The following TMEM170B variants were observed in gnomAD, a reference collection of about 807,000 sequenced individuals.
TMEM170B encodes transmembrane protein 170B.
Under a neutral mutation model 13.0 loss-of-function variants are expected in TMEM170B, and 6 were observed. The observed-to-expected ratio is 0.46, with a 90% CI of 0.25 to 0.91. TMEM170B has a LOEUF of 0.91. TMEM170B is among the 40% of genes least tolerant of loss of function. The pLI is 0.17. For missense variants in TMEM170B, 138 were observed against 165.2 expected, an observed-to-expected ratio of 0.84 and a Z score of 0.90; for synonymous variants, 61 against 64.9, an observed-to-expected ratio of 0.94 and a Z score of 0.29.
chr6:11,563,422 G>A (rs1454607016), intron 1 of TMEM170B, among the ~76,000 whole-genome samples: 1 of 152,108 alleles, frequency 6.6e-6, no homozygotes, highest in African/African-American at 2.4e-5. Context: ...GATACCAACT[G>A]GGTGTCCTAC....
rs1759895044 is a variant in TMEM170B, at chr6:11,577,468, C to G, written c.*1907C>G. The stretch of plus-strand genomic sequence containing the variant: ...AGACTTGAATTGTGTTCTTCTTTTA[C>G]TTTGGCTATTCTGTCAATAATTTAA... On this transcript the variant is annotated 3_prime_UTR_variant, in exon 3 of 3. Transcript: ENST00000379426. 6.6e-6 allele frequency: 1 copy of G among 152,002 alleles called. No homozygotes were observed. The highest frequency in any genetic ancestry group is 6.6e-5 in the Admixed American group (1 of 15,260). 9.4% of individuals were successfully genotyped at this position (152,002 alleles called of 1,614,324 possible).
intron 1 of TMEM170B, among the ~76,000 whole-genome samples, chr6:11,540,341 T>C (rs1208347069): frequency 2.0e-5 from 3 of 152,228 alleles, no homozygotes; most frequent in African/African-American, 7.2e-5. Flanking sequence ...GCTGCGGCTT[T>C]ATCAACCGAG....
At chr6:11,558,360 A>G (rs1582142544) in intron 1 of TMEM170B, among the ~76,000 whole-genome samples, 1 of 152,174 alleles carries the variant, frequency 6.6e-6, no homozygotes, top group East Asian at 1.9e-4. Context: ...CAAACCCAGA[A>G]TTCTTGCAAT....
intron 1 of TMEM170B, among the ~76,000 whole-genome samples, chr6:11,564,993 G>A (rs1202241439): frequency 6.6e-6 from 1 of 152,200 alleles, no homozygotes; most frequent in African/African-American, 2.4e-5. Flanking sequence ...AGAAGGAAAG[G>A]GAATGAATGT....
chr6:11,543,893 C>T (rs1481631436), intron 1 of TMEM170B, among the ~76,000 whole-genome samples: 1 of 152,126 alleles, frequency 6.6e-6, no homozygotes, highest in East Asian at 1.9e-4. Flanking sequence ...ACCTTTTTAT[C>T]TTAGAGACTG....
intron 2 of TMEM170B, among the ~76,000 whole-genome samples, chr6:11,572,827 A>C (rs1286490924): frequency 6.6e-6 from 1 of 152,226 alleles, no homozygotes; most frequent in African/African-American, 2.4e-5. Flanking sequence ...ATATGTATGT[A>C]TGTACTAGTA....
rs933140460 is a variant in TMEM170B at position 11,579,498 on chromosome 6, A to G, written c.*3937A>G. 32 of 152,240 alleles carry G rather than the reference A, an allele frequency of 2.1e-4. No homozygotes were observed. Among genetic ancestry groups the G allele is most frequent in the African/African-American group, 7.5e-4 (31 of 41,468 alleles). The allele number at this position is 152,240 out of a possible 1,614,324, so 9.4% of individuals were successfully genotyped here. Reference sequence around the variant, plus strand: ...TTACCAATTGAATATGTTGTTTTGTAAAATTCATCAATTTTGTTTCATTTC... The same window carrying G: ...TTACCAATTGAATATGTTGTTTTGTGAAATTCATCAATTTTGTTTCATTTC... On this transcript the variant is annotated 3_prime_UTR_variant, in exon 3 of 3. Coordinates refer to ENST00000379426, the MANE Select transcript of TMEM170B (RefSeq NM_001100829.3).
rs1759895107 is a variant in TMEM170B, at chr6:11,577,473, G to T, written c.*1912G>T. ...TGAATTGTGTTCTTCTTTTACTTTG[G>T]CTATTCTGTCAATAATTTAAAGCAT... On this transcript the variant is annotated 3_prime_UTR_variant, in exon 3 of 3. Coordinates refer to ENST00000379426, the MANE Select transcript of TMEM170B (RefSeq NM_001100829.3). 1 of 151,756 alleles carries T rather than the reference G, an allele frequency of 6.6e-6. No individual in the cohort carries two copies. The highest frequency in any genetic ancestry group is 6.6e-5 in the Admixed American group (1 of 15,236). The allele number at this position is 151,756 out of a possible 1,614,324, so 9.4% of individuals were successfully genotyped here.
Position 11,575,301 on chromosome 6 carries a change from A to G in TMEM170B, c.269-130A>G, listed in dbSNP as rs1759859316. On this transcript the variant is annotated intron_variant, in intron 2 of 2. Transcript: ENST00000379426. This position sits in a 1 kb window ranked among gnomAD's most constrained non-coding sequence, Gnocchi z 4.1. ...AATCACAGGGAAACTTTTTCATAGA[A>G]AGTGGATAAAATGAGAAAAAAATGA... 7.9e-7 allele frequency: 1 copy of G among 1,271,404 alleles called. No homozygotes were observed. The highest frequency in any genetic ancestry group is 1.1e-6 in the Non-Finnish European group (1 of 921,084). 78.8% of individuals were successfully genotyped at this position (1,271,404 alleles called of 1,614,324 possible).
chr6:11,558,451 G>GA (rs1759617798), intron 1 of TMEM170B, among the ~76,000 whole-genome samples: 1 of 152,096 alleles, frequency 6.6e-6, no homozygotes, highest in African/African-American at 2.4e-5. Flanking sequence ...GGCTGTATGG[G>GA]AACATAAGAA....
At chr6:11,551,993 A>C (rs1200441856) in intron 1 of TMEM170B, among the ~76,000 whole-genome samples, 5 of 152,180 alleles carry the variant, frequency 3.3e-5, no homozygotes, top group Middle Eastern at 3.2e-3. Flanking sequence ...AATTACGTGA[A>C]TCTGTCATGG....
intron 1 of TMEM170B, among the ~76,000 whole-genome samples, chr6:11,558,835 C>CA (rs1170548712): frequency 2.0e-5 from 3 of 152,168 alleles, no homozygotes; most frequent in Non-Finnish European, 2.9e-5. Context: ...ATTGAACACT[C>CA]AAAGTGCCAA....
chr6:11,575,579 C>T lies in TMEM170B; in HGVS notation c.*18C>T, dbSNP rs1325973178. 1.2e-6 allele frequency: 2 copies of T among 1,611,820 alleles called. No homozygotes were observed. The highest frequency in any genetic ancestry group is 1.7e-6 in the Non-Finnish European group (2 of 1,178,780). Reference sequence around the variant, plus strand: ...CACTTTGAGGTTTCTGTGGGAATGTCTTACTTCACATAAGGAAACAGATGT... The same window carrying T: ...CACTTTGAGGTTTCTGTGGGAATGTTTTACTTCACATAAGGAAACAGATGT... On this transcript the variant is annotated 3_prime_UTR_variant, in exon 3 of 3. Coordinates refer to ENST00000379426, the MANE Select transcript of TMEM170B (RefSeq NM_001100829.3). The surrounding 1 kb of genome is among the most constrained non-coding windows in gnomAD (Gnocchi z 4.1).
intron 1 of TMEM170B, among the ~76,000 whole-genome samples, chr6:11,546,359 T>G (rs1759440053): frequency 6.6e-6 from 1 of 151,848 alleles, no homozygotes; most frequent in South Asian, 2.1e-4. Flanking sequence ...AGAAAATAGT[T>G]AAAAAGTTAA....
chr6:11,566,803 T>G (rs1759739219), intron 2 of TMEM170B, among the ~76,000 whole-genome samples: 1 of 152,238 alleles, frequency 6.6e-6, no homozygotes, highest in Admixed American at 6.5e-5. Context: ...GGTGTCCTCT[T>G]TACACTTGGG....
chr6:11,563,349 C>T (rs2113776429), intron 1 of TMEM170B, among the ~76,000 whole-genome samples: 1 of 152,144 alleles, frequency 6.6e-6, no homozygotes, highest in East Asian at 1.9e-4. Flanking sequence ...TCTCCTCCCT[C>T]ACACAGATCA....
chr6:11,565,257 G>A (rs1023893023), intron 1 of TMEM170B, among the ~76,000 whole-genome samples: 1 of 152,120 alleles, frequency 6.6e-6, no homozygotes, highest in South Asian at 2.1e-4. Context: ...GGAATGATTT[G>A]AATTAGAATT....
Position 11,575,069 on chromosome 6 carries a change from A to T in TMEM170B, c.269-362A>T, listed in dbSNP as rs888684880. Among the ~76,000 whole-genome samples, 2 of 152,098 alleles carry T rather than the reference A, an allele frequency of 1.3e-5. No homozygotes were observed. The highest frequency in any genetic ancestry group is 4.8e-5 in the African/African-American group (2 of 41,436). ...TATCACTTGTAATTATCAGTATGTT[A>T]TACTGTATGTTTACAAAAATGCTAA... On this transcript the variant is annotated intron_variant, in intron 2 of 2. Coordinates refer to ENST00000379426, the MANE Select transcript of TMEM170B (RefSeq NM_001100829.3). This position sits in a 1 kb window ranked among gnomAD's most constrained non-coding sequence, Gnocchi z 4.1.
intron 2 of TMEM170B, among the ~76,000 whole-genome samples, chr6:11,567,064 C>T (rs1027828553): frequency 6.6e-6 from 1 of 152,170 alleles, no homozygotes; most frequent in Admixed American, 6.5e-5. Flanking sequence ...TGACAACTGC[C>T]GGACCATCAC....
Sources: allele counts gnomAD v4.1 joint callset (sites outside exome capture counted in the v4.1 genomes callset), GRCh38; gene constraint gnomAD v4.1.1; non-coding constraint Gnocchi (gnomAD v3.1); transcripts MANE v1.5; gene names NCBI Gene and HGNC (gene_info 2026-07-23, HGNC 2026-07-21).